Variants in UNC13C observed in about 807,000 individuals in gnomAD.
UNC13C encodes the protein unc-13 homolog C.
In UNC13C, 174 loss-of-function variants were observed where a neutral mutation model predicts 245.4. The ratio of observed to expected loss-of-function variants is 0.71; its 90% CI spans 0.63 to 0.80. The LOEUF is 0.80. Ranked by LOEUF, UNC13C falls within the 30% of genes least tolerant of loss-of-function variation. UNC13C has a pLI of 0.00. For synonymous variants in UNC13C, 992 were observed against 895.1 expected (o/e 1.11, Z -1.93); for missense variants, 2,829 against 2,602.9 (o/e 1.09, Z -1.89).
chr15:54,629,726 A>C (rs1489639940), downstream of UNC13C: 3 of 143,196 alleles, frequency 2.1e-5, no homozygotes, highest in Non-Finnish European at 4.7e-5. Context: ...ATGTCATAAT[A>C]CATGATACAT....
At chr15:54,608,203 AATT>A (rs1345601808) in intron 30 of UNC13C, among the ~76,000 whole-genome samples, 2 of 152,226 alleles carry the variant, frequency 1.3e-5, no homozygotes, top group African/African-American at 4.8e-5. Context: ...ATGTAACAGA[AATT>A]AAATAGATCA....
At chr15:54,017,057 C>A (rs914937487) in intron 2 of UNC13C, among the ~76,000 whole-genome samples, 1 of 152,146 alleles carries the variant, frequency 6.6e-6, no homozygotes, top group African/African-American at 2.4e-5. Flanking sequence ...AATCAGAAAT[C>A]TTTACTGCTA....
intron 26 of UNC13C, among the ~76,000 whole-genome samples, chr15:54,536,784 C>A (rs1431725971): frequency 6.6e-6 from 1 of 151,802 alleles, no homozygotes; most frequent in African/African-American, 2.4e-5. Context: ...TCAACATCGC[C>A]TCATGTTAAA....
intron 20 of UNC13C, among the ~76,000 whole-genome samples, chr15:54,496,495 A>G (rs1196121014): frequency 1.3e-5 from 2 of 152,146 alleles, no homozygotes; most frequent in Admixed American, 1.3e-4. Flanking sequence ...ATCTTTGCAC[A>G]TGCATGTTTA....
chr15:54,311,459 T>A (rs1209781580), intron 13 of UNC13C, among the ~76,000 whole-genome samples: 1 of 151,764 alleles, frequency 6.6e-6, no homozygotes, highest in Non-Finnish European at 1.5e-5. Context: ...ACTATGGTAA[T>A]GCTAAGTTGT....
In UNC13C at chr15:54,622,321, T is replaced by C. The variant is rs375748301; in HGVS notation, c.6107-6T>C. On this transcript the variant is annotated splice_polypyrimidine_tract_variant and splice_region_variant and intron_variant, in intron 30 of 32. Coordinates refer to ENST00000260323, the MANE Select transcript of UNC13C (RefSeq NM_001080534.3). Reference sequence around the variant, plus strand: ...CTCAGGCCAGTAAGCCTCTGCTTATTTTCAGGTCGTTCCTCCAAAGATGCC... The same window carrying C: ...CTCAGGCCAGTAAGCCTCTGCTTATCTTCAGGTCGTTCCTCCAAAGATGCC... 1.8e-5 allele frequency: 29 copies of C among 1,611,270 alleles called. No homozygotes were observed. Among genetic ancestry groups the C allele is most frequent in the Non-Finnish European group, 2.4e-5 (28 of 1,177,768 alleles).
At chr15:54,567,972 A>C in intron 30 of UNC13C, 25 bp downstream of exon 30, 2 of 1,463,800 alleles carry the variant, frequency 1.4e-6, no homozygotes, top group Non-Finnish European at 1.8e-6. Flanking sequence ...GGACCTGAGA[A>C]TAAGGTAAAC....
intron 19 of UNC13C, among the ~76,000 whole-genome samples, chr15:54,455,205 C>CTCTCTCTCTCTCTCTCTCTCTATA (rs1388065398): frequency 5.3e-5 from 1 of 18,974 alleles, no homozygotes; most frequent in Non-Finnish European, 9.2e-5. Context: ...CTCTCTCTCT[C>CTCTCTCTCTCTCTCTCTCTCTATA]TATATATATA....
At chr15:54,509,303 T>C (rs1418595789) in intron 23 of UNC13C, among the ~76,000 whole-genome samples, 1 of 152,224 alleles carries the variant, frequency 6.6e-6, no homozygotes, top group East Asian at 1.9e-4. Context: ...AATAATTTGT[T>C]TTCTACTGTA....
the UNC13C span, among the ~76,000 whole-genome samples, chr15:53,858,986 G>A: frequency 6.6e-6 from 1 of 151,590 alleles, no homozygotes; most frequent in Non-Finnish European, 1.5e-5. Context: ...TATATTTATG[G>A]GTAATGGTAA....
chr15:54,106,888 A>G (rs1437611028), intron 2 of UNC13C, among the ~76,000 whole-genome samples: 3 of 152,232 alleles, frequency 2.0e-5, no homozygotes, highest in Admixed American at 2.0e-4. Flanking sequence ...CAGAGTTTTC[A>G]GACTAACAGC....
chr15:53,939,405 G>T, the UNC13C span, among the ~76,000 whole-genome samples: 1 of 152,156 alleles, frequency 6.6e-6, no homozygotes, highest in South Asian at 2.1e-4. Context: ...TTCTACCAGA[G>T]GTACAAAGAA....
At chr15:53,900,016 G>T in the UNC13C span, among the ~76,000 whole-genome samples, 24 of 152,096 alleles carry the variant, frequency 1.6e-4, no homozygotes. Flanking sequence ...ATTGTCATCA[G>T]ATTAGTATAA....
chr15:54,290,392 A>G lies in UNC13C; in HGVS notation c.3819-3503A>G, dbSNP rs563911888. Among the ~76,000 whole-genome samples the G allele has an allele frequency of 3.9e-5, 6 of 152,224 alleles. No homozygotes were observed. In the South Asian group the frequency reaches 1.2e-3, roughly 32 times the overall value. ...TAAATCTAAAATTATTCTAAAATAA[A>G]GTTCATTTAATTAAAAAAATGAAAA... On this transcript the variant is annotated intron_variant, in intron 10 of 32. Transcript: ENST00000260323.
chr15:54,039,871 T>A (rs1488631852), intron 2 of UNC13C, among the ~76,000 whole-genome samples: 2 of 151,820 alleles, frequency 1.3e-5, no homozygotes, highest in East Asian at 3.9e-4. Context: ...TCATCATCTC[T>A]GCACTGGATG....
At chr15:54,388,131 T>G (rs1421941278) in intron 17 of UNC13C, among the ~76,000 whole-genome samples, 1 of 152,122 alleles carries the variant, frequency 6.6e-6, no homozygotes, top group East Asian at 1.9e-4. Context: ...TGACCTCAAT[T>G]TCCTGTCCTG....
intron 2 of UNC13C, among the ~76,000 whole-genome samples, chr15:54,118,768 T>G (rs559191008): frequency 2.0e-5 from 3 of 152,282 alleles, no homozygotes; most frequent in Admixed American, 1.3e-4. Context: ...GTATGTTAGC[T>G]ATGTGTTTGT....
intron 2 of UNC13C, among the ~76,000 whole-genome samples, chr15:54,057,801 A>G (rs1897606514): frequency 6.6e-6 from 1 of 152,232 alleles, no homozygotes; most frequent in South Asian, 2.1e-4. Flanking sequence ...CTCAGGATTA[A>G]GAAACTCACT....
intron 4 of UNC13C, among the ~76,000 whole-genome samples, chr15:54,206,745 T>C (rs1031755785): frequency 3.3e-5 from 5 of 152,084 alleles, no homozygotes; most frequent in Non-Finnish European, 7.4e-5. Context: ...GCACTTCTAA[T>C]AGATATACTA....
Sources: gnomAD v4.1 joint callset for allele counts (sites outside exome capture counted in the v4.1 genomes callset) on GRCh38, gnomAD v4.1.1 for gene constraint, MANE v1.5 for transcripts, NCBI Gene and HGNC (gene_info 2026-07-23, HGNC 2026-07-21) for gene names.